ARMC1: variants seen among roughly 807,000 people sequenced by gnomAD.
The protein encoded by ARMC1 is armadillo repeat containing 1, also known as armadillo repeat-containing protein 1.
In ARMC1, 16 loss-of-function variants were observed where a neutral mutation model predicts 31.4. That is an observed-to-expected ratio of 0.51 (90% CI 0.34 to 0.77). ARMC1 has a LOEUF of 0.77. Ranked by LOEUF, ARMC1 falls within the 30% of genes least tolerant of loss-of-function variation. ARMC1 has a pLI of 0.01. For synonymous variants in ARMC1, 114 were observed against 118.9 expected, an observed-to-expected ratio of 0.96 and a Z score of 0.27; for missense variants, 259 against 347.5, an observed-to-expected ratio of 0.75 and a Z score of 2.02.
At chr8:65,631,434 G>A (rs13267942) in intron 1 of ARMC1, among the ~76,000 whole-genome samples, 96,673 of 151,998 alleles carry the variant, frequency 0.64, 30,962 homozygotes, top group African/African-American at 0.69. Flanking sequence ...GGGTTTCGCC[G>A]TGTTGGCCAG....
chr8:65,629,816 A>T (rs865906364), intron 1 of ARMC1, among the ~76,000 whole-genome samples: 1 of 149,926 alleles, frequency 6.7e-6, no homozygotes. Flanking sequence ...AAAAAAAAAA[A>T]AATCAAAACA....
intron 2 of ARMC1, among the ~76,000 whole-genome samples, chr8:65,623,939 AG>A (rs1808457504): frequency 6.6e-6 from 1 of 151,184 alleles, no homozygotes; most frequent in Non-Finnish European, 1.5e-5. Flanking sequence ...CTGGGATTAT[AG>A]GTGCCAGCCA....
intron 4 of ARMC1, among the ~76,000 whole-genome samples, chr8:65,607,531 T>A (rs1450862450): frequency 6.6e-6 from 1 of 152,228 alleles, no homozygotes; most frequent in Non-Finnish European, 1.5e-5. Context: ...CACACTTTTT[T>A]AGCAAGCTTA....
At chr8:65,606,891 GA>G (rs1808016318) in intron 4 of ARMC1, among the ~76,000 whole-genome samples, 1 of 152,120 alleles carries the variant, frequency 6.6e-6, no homozygotes, top group Non-Finnish European at 1.5e-5. Context: ...AGTGAAAATG[GA>G]AAAAGTAATT....
chr8:65,608,112 G>T (rs564935900), intron 4 of ARMC1, among the ~76,000 whole-genome samples: 1 of 152,068 alleles, frequency 6.6e-6, no homozygotes, highest in East Asian at 1.9e-4. Context: ...TATATCAATA[G>T]CAAATTATCA....
rs1286712392 is a variant in ARMC1 at position 65,627,241 on chromosome 8, G to A, written c.158C>T (p.Pro53Leu). ...GLILFMDHPN[P>L]PVVHSALLAL... ...AAGCAAAGCGGAGTGGACGACTGGA[G>A]GGTTGGGATGGTCCATAAATAAAAT... The change falls in exon 2 of 7, where the codon CCT becomes CTT. Residue 53 changes from proline (P) to leucine (L), a missense_variant. Pro to Leu is a moderately conservative substitution (Grantham distance 98, BLOSUM62 -3). Coordinates refer to ENST00000276569, the MANE Select transcript of ARMC1 (RefSeq NM_018120.6). 3.8e-6 allele frequency: 6 copies of A among 1,597,804 alleles called. No homozygotes were observed. The highest frequency in any genetic ancestry group is 5.1e-6 in the Non-Finnish European group (6 of 1,170,818).
intron 2 of ARMC1, among the ~76,000 whole-genome samples, chr8:65,626,180 C>G (rs1250760353): frequency 1.3e-5 from 2 of 152,046 alleles, no homozygotes; most frequent in African/African-American, 4.8e-5. Flanking sequence ...AGTGAGCCAC[C>G]ACGTCTGGCC....
rs768822872 is a variant in ARMC1 at position 65,630,611 on chromosome 8, G to A, written c.-35-3178C>T. On this transcript the variant is annotated intron_variant, in intron 1 of 6. Coordinates refer to ENST00000276569, the MANE Select transcript of ARMC1 (RefSeq NM_018120.6). ...ATGCAGCCGGATCGCCTGAGGTCAG[G>A]AGTTTGCGACCAGCCTGGCCAGCAT... Among the ~76,000 whole-genome samples the A allele has an allele frequency of 1.2e-4, 19 of 152,286 alleles. No homozygotes were observed. The Middle Eastern group carries it at 0.014, about 109-fold the overall frequency.
chr8:65,608,200 T>C (rs568131235), intron 4 of ARMC1, among the ~76,000 whole-genome samples: 1 of 152,124 alleles, frequency 6.6e-6, no homozygotes, highest in Non-Finnish European at 1.5e-5. Flanking sequence ...TAAAACTAGA[T>C]TGTTTCTAGG....
chr8:65,623,970 G>A (rs1230257991), intron 2 of ARMC1, among the ~76,000 whole-genome samples: 1 of 150,442 alleles, frequency 6.6e-6, no homozygotes, highest in Non-Finnish European at 1.5e-5. Context: ...GCTAATTTTT[G>A]TATTTTTAGT....
chr8:65,631,181 T>C (rs1808634530), intron 1 of ARMC1, among the ~76,000 whole-genome samples: 1 of 152,208 alleles, frequency 6.6e-6, no homozygotes, highest in African/African-American at 2.4e-5. Context: ...TTTTCTTACC[T>C]TGATATTCTT....
At chr8:65,630,727 G>A (rs1808625223) in intron 1 of ARMC1, among the ~76,000 whole-genome samples, 1 of 152,086 alleles carries the variant, frequency 6.6e-6, no homozygotes, top group South Asian at 2.1e-4. Flanking sequence ...GCTGAGGCAG[G>A]AGAATCGCTT....
chr8:65,611,266 T>C (rs1164960365), intron 4 of ARMC1, among the ~76,000 whole-genome samples: 3 of 152,176 alleles, frequency 2.0e-5, no homozygotes, highest in Non-Finnish European at 4.4e-5. Context: ...GTAGGATCTA[T>C]AGTGGTATCC....
intron 2 of ARMC1, among the ~76,000 whole-genome samples, chr8:65,623,284 G>A (rs1281496704): frequency 1.8e-5 from 2 of 113,630 alleles, no homozygotes; most frequent in Non-Finnish European, 3.4e-5. Context: ...CTCCAGCCTG[G>A]GCGACAGAGC....
intron 4 of ARMC1, among the ~76,000 whole-genome samples, chr8:65,609,649 G>A (rs1349246734): frequency 6.6e-6 from 1 of 152,076 alleles, no homozygotes; most frequent in Non-Finnish European, 1.5e-5. Flanking sequence ...CACAAGGTCA[G>A]GAGTTCGAGA....
intron 1 of ARMC1, chr8:65,633,030 G>A (rs1585725811): frequency 6.6e-6 from 1 of 152,328 alleles, no homozygotes; most frequent in East Asian, 1.9e-4. Flanking sequence ...TCAGTAGGTG[G>A]GAGAGTCTGA....
At chr8:65,605,046 A>G (rs1807973077) in intron 6 of ARMC1, among the ~76,000 whole-genome samples, 1 of 152,272 alleles carries the variant, frequency 6.6e-6, no homozygotes, top group African/African-American at 2.4e-5. Flanking sequence ...AAATGCAAGG[A>G]AGACACATAT....
intron 3 of ARMC1, among the ~76,000 whole-genome samples, chr8:65,616,410 C>CA (rs1164824014): frequency 2.2e-4 from 34 of 152,364 alleles, no homozygotes; most frequent in African/African-American, 7.9e-4. Context: ...GCCGGGATGG[C>CA]AGACGGAGTC....
At chr8:65,630,817 T>TA (rs71930161) in intron 1 of ARMC1, among the ~76,000 whole-genome samples, 124 of 148,320 alleles carry the variant, frequency 8.4e-4, no homozygotes, top group East Asian at 4.0e-3. Context: ...AGACTCCGTC[T>TA]AAAAAAAAAA....
Sources: allele counts gnomAD v4.1 joint callset (sites outside exome capture counted in the v4.1 genomes callset), GRCh38; gene constraint gnomAD v4.1.1; transcripts MANE v1.5; gene names NCBI Gene and HGNC (gene_info 2026-07-23, HGNC 2026-07-21).